ARHGAP20: variants seen among roughly 807,000 people sequenced by gnomAD.
The protein encoded by ARHGAP20 is Rho GTPase activating protein 20.
ARHGAP20 carries 34 observed loss-of-function variants against 73.7 expected under a neutral mutation model. That is an observed-to-expected ratio of 0.46 (90% CI 0.35 to 0.61). The LOEUF is 0.61. Among genes scored for constraint, ARHGAP20 ranks in the 20% least tolerant of loss-of-function variants. The pLI is 0.00. For missense variants in ARHGAP20, 1,314 were observed against 1,420.9 expected (o/e 0.92, Z 1.21); for synonymous variants, 523 against 518.2 (o/e 1.01, Z -0.13).
At chr11:110,696,005 T>C (rs1030875685) in intron 1 of ARHGAP20, among the ~76,000 whole-genome samples, 1 of 151,566 alleles carries the variant, frequency 6.6e-6, no homozygotes, top group East Asian at 1.9e-4. Context: ...AATGAAGTAT[T>C]GATACATGCT....
At chr11:110,629,322 C>T (rs1310273354) in intron 3 of ARHGAP20, among the ~76,000 whole-genome samples, 2 of 152,162 alleles carry the variant, frequency 1.3e-5, no homozygotes, top group Non-Finnish European at 2.9e-5. Context: ...ATATCTGAAA[C>T]AACTCTTATC....
intron 11 of ARHGAP20, among the ~76,000 whole-genome samples, chr11:110,586,976 C>T (rs2134809263): frequency 6.6e-6 from 1 of 152,286 alleles, no homozygotes; most frequent in South Asian, 2.1e-4. Flanking sequence ...GCAGCACACT[C>T]ATGCCTGATG....
At chr11:110,704,883 T>G (rs1357296516) in intron 1 of ARHGAP20, among the ~76,000 whole-genome samples, 3 of 152,160 alleles carry the variant, frequency 2.0e-5, no homozygotes, top group Non-Finnish European at 4.4e-5. Flanking sequence ...CCAAATGCTC[T>G]GAAGACATGA....
chr11:110,653,999 C>A (rs1436122868), intron 2 of ARHGAP20, among the ~76,000 whole-genome samples: 1 of 151,878 alleles, frequency 6.6e-6, no homozygotes, highest in South Asian at 2.1e-4. Flanking sequence ...GAGAGCTGAA[C>A]AATAAGAACA....
chr11:110,616,640 A>T, intron 4 of ARHGAP20, among the ~76,000 whole-genome samples: 1 of 151,080 alleles, frequency 6.6e-6, no homozygotes, highest in East Asian at 1.9e-4. Context: ...TTTCTCCATA[A>T]GCAATCTCCC....
intron 1 of ARHGAP20, chr11:110,711,765 C>A: frequency 7.4e-7 from 1 of 1,356,940 alleles, no homozygotes; most frequent in Non-Finnish European, 9.4e-7. Context: ...TCGGGAGGCC[C>A]AGGGGCACGG....
intron 2 of ARHGAP20, among the ~76,000 whole-genome samples, chr11:110,649,373 C>T (rs911787789): frequency 2.0e-5 from 3 of 151,476 alleles, no homozygotes; most frequent in African/African-American, 7.3e-5. Flanking sequence ...ATCCCCAAAA[C>T]AAGAAACAAA....
chr11:110,711,892 A>T, intron 1 of ARHGAP20: 1 of 1,306,190 alleles, frequency 7.7e-7, no homozygotes, highest in Non-Finnish European at 9.7e-7. Context: ...AGGTCGCTCG[A>T]GGAGAGACTA....
At chr11:110,606,824 G>T in intron 8 of ARHGAP20, 75 bp from the exon 9 acceptor site, 1 of 1,267,182 alleles carries the variant, frequency 7.9e-7, no homozygotes, top group Non-Finnish European at 1.1e-6. Context: ...AAATAGGAAT[G>T]TACTGCAATT....
At position 110,590,594 on chromosome 11, in the gene ARHGAP20, C is replaced by T. The variant is rs1312762284; in HGVS notation, c.1305+54G>A. Reference sequence around the variant, plus strand: ...ATGTTCATAATGAAAAAGTAAAACACCCTCTTTCTCTAGAGCTACACCATG... The same window carrying T: ...ATGTTCATAATGAAAAAGTAAAACATCCTCTTTCTCTAGAGCTACACCATG... On this transcript the variant is annotated intron_variant, in intron 11 of 14. Transcript: ENST00000683387. The T allele has an allele frequency of 1.3e-5, 20 of 1,489,452 alleles. 1 individual carries two copies. The East Asian group carries it at 2.9e-4, about 21-fold the overall frequency. 92.3% of individuals were successfully genotyped at this position (1,489,452 alleles called of 1,614,324 possible).
At chr11:110,618,741 A>C (rs1948548226) in intron 4 of ARHGAP20, among the ~76,000 whole-genome samples, 1 of 139,032 alleles carries the variant, frequency 7.2e-6, no homozygotes, top group African/African-American at 2.8e-5. Flanking sequence ...GCAGTGATAG[A>C]GTATATGCAG....
chr11:110,605,189 G>A (rs761916526), intron 9 of ARHGAP20, among the ~76,000 whole-genome samples: 6 of 152,158 alleles, frequency 3.9e-5, no homozygotes, highest in Non-Finnish European at 8.8e-5. Context: ...AGATGGACAC[G>A]GGGACTAACA....
chr11:110,595,347 C>T (rs1475109277), intron 9 of ARHGAP20, among the ~76,000 whole-genome samples: 1 of 152,192 alleles, frequency 6.6e-6, no homozygotes, highest in African/African-American at 2.4e-5. Flanking sequence ...AAGAGGAAGT[C>T]AAATTGTCCC....
chr11:110,690,689 T>C, intron 1 of ARHGAP20, 60 bp from the exon 2 acceptor site: 1 of 1,438,192 alleles, frequency 7.0e-7, no homozygotes, highest in Non-Finnish European at 9.7e-7. Context: ...ACAATGTTGA[T>C]TTTTTTTTAA....
intron 4 of ARHGAP20, among the ~76,000 whole-genome samples, chr11:110,623,180 A>G (rs755588634): frequency 6.6e-6 from 1 of 152,192 alleles, no homozygotes; most frequent in Non-Finnish European, 1.5e-5. Context: ...ATTTAATGAC[A>G]TGCCTATCTT....
chr11:110,617,694 C>A lies in ARHGAP20; in HGVS notation c.504-2100G>T, dbSNP rs552320610. 5.9e-5 allele frequency among the ~76,000 whole-genome samples: 9 copies of A among 152,190 alleles called. No homozygotes were observed. The East Asian group carries it at 1.7e-3, about 29-fold the overall frequency. The stretch of plus-strand genomic sequence containing the variant: ...AATCTTCTTGTATATTTCCCTTTCC[C>A]CCCTGCTCTATACCTGAATCCAGGA... On this transcript the variant is annotated intron_variant, in intron 4 of 14. Transcript: ENST00000683387.
chr11:110,630,854 C>A, intron 2 of ARHGAP20, 62 bp from the exon 3 acceptor site: 1 of 1,530,356 alleles, frequency 6.5e-7, no homozygotes, highest in Non-Finnish European at 8.8e-7. Context: ...TCAAGAACTA[C>A]AAAATTCTGT....
At chr11:110,648,210 A>C (rs182502810) in intron 2 of ARHGAP20, among the ~76,000 whole-genome samples, 26,375 of 113,174 alleles carry the variant, frequency 0.23, 2,704 homozygotes, top group South Asian at 0.36. Context: ...TATATATGTA[A>C]ATATATATAT....
Position 110,582,263 on chromosome 11 carries a change from G to C in ARHGAP20, c.1720+58C>G, listed in dbSNP as rs551365621. On this transcript the variant is annotated intron_variant, in intron 14 of 14. Coordinates refer to ENST00000683387, the MANE Select transcript of ARHGAP20 (RefSeq NM_001384657.1). ...TCCAGGAAAACCCCTATCCCAGCACGTTTACAAACAACCATGTGTCTGTTT... is the reference window on the plus strand; with the variant it reads ...TCCAGGAAAACCCCTATCCCAGCACCTTTACAAACAACCATGTGTCTGTTT... 5.7e-6 allele frequency: 8 copies of C among 1,402,550 alleles called. No individual in the cohort carries two copies. In the African/African-American group the frequency reaches 1.1e-4, roughly 20 times the overall value. 86.9% of individuals were successfully genotyped at this position (1,402,550 alleles called of 1,614,324 possible).
Sources: allele counts gnomAD v4.1 joint callset (sites outside exome capture counted in the v4.1 genomes callset), GRCh38; gene constraint gnomAD v4.1.1; transcripts MANE v1.5; gene names NCBI Gene and HGNC (gene_info 2026-07-23, HGNC 2026-07-21).